The following CPED1 variants were observed in gnomAD, a reference collection of about 807,000 sequenced individuals.
CPED1 encodes cadherin like and PC-esterase domain containing 1, also known as cadherin-like and PC-esterase domain-containing protein 1.
CPED1 carries 114 observed loss-of-function variants against 128.2 expected under a neutral mutation model. That is an observed-to-expected ratio of 0.89 (90% CI 0.76 to 1.04). The LOEUF is 1.04. CPED1 is among the 50% of genes least tolerant of loss of function. The probability of loss-of-function intolerance (pLI) is 0.00; values close to 1 mark genes in which losing one functional copy is unlikely to be tolerated. For missense variants in CPED1, 1,211 were observed against 1,207.1 expected, an observed-to-expected ratio of 1.00 and a Z score of -0.05; for synonymous variants, 462 against 426.7, an observed-to-expected ratio of 1.08 and a Z score of -1.02.
chr7:121,238,151 C>T (rs148483722), intron 17 of CPED1, among the ~76,000 whole-genome samples: 16 of 152,280 alleles, frequency 1.1e-4, no homozygotes, highest in African/African-American at 2.6e-4. Context: ...ACTAAATGTA[C>T]GCTAACTTAT....
intron 16 of CPED1, among the ~76,000 whole-genome samples, chr7:121,214,093 A>C (rs1358251779): frequency 6.6e-6 from 1 of 152,022 alleles, no homozygotes; most frequent in African/African-American, 2.4e-5. Flanking sequence ...CACAGTTTGG[A>C]ATTATATAAT....
intron 18 of CPED1, among the ~76,000 whole-genome samples, chr7:121,264,793 A>G (rs1395247650): frequency 6.6e-6 from 1 of 152,118 alleles, no homozygotes; most frequent in African/African-American, 2.4e-5. Context: ...ATCCAAAGAC[A>G]TTAGAAGGGA....
At position 121,037,558 on chromosome 7, in the gene CPED1, G is replaced by A. The variant is rs1219404188; in HGVS notation, c.434-9329G>A. Reference sequence around the variant, plus strand: ...TGACTATGGCCTTATAGTATAGTTTGAAGTCAGGTAACGTGATGCCTCCAG... The same window carrying A: ...TGACTATGGCCTTATAGTATAGTTTAAAGTCAGGTAACGTGATGCCTCCAG... On this transcript the variant is annotated intron_variant, in intron 3 of 22. Coordinates refer to ENST00000310396, the MANE Select transcript of CPED1 (RefSeq NM_024913.5). Among the ~76,000 whole-genome samples, 3 of 152,144 alleles carry A rather than the reference G, an allele frequency of 2.0e-5. No individual in the cohort carries two copies. The East Asian group carries it at 5.8e-4, about 29-fold the overall frequency.
intron 18 of CPED1, among the ~76,000 whole-genome samples, chr7:121,244,607 G>C (rs1483059552): frequency 6.6e-6 from 1 of 152,216 alleles, no homozygotes; most frequent in Non-Finnish European, 1.5e-5. Context: ...ATTCCATGCT[G>C]TTTTCTCAGC....
chr7:121,145,932 A>G (rs1220455615), intron 16 of CPED1, among the ~76,000 whole-genome samples: 1 of 152,100 alleles, frequency 6.6e-6, no homozygotes. Flanking sequence ...AGGAAAATGA[A>G]CTAAACTTTT....
intron 11 of CPED1, among the ~76,000 whole-genome samples, chr7:121,129,840 G>T (rs1284495632): frequency 6.6e-6 from 1 of 150,862 alleles, no homozygotes; most frequent in Non-Finnish European, 1.5e-5. Context: ...TGTTATTCAT[G>T]TGTCTTCTGG....
At chr7:121,150,519 G>A (rs1232521770) in intron 16 of CPED1, among the ~76,000 whole-genome samples, 2 of 152,026 alleles carry the variant, frequency 1.3e-5, no homozygotes, top group African/African-American at 4.8e-5. Flanking sequence ...GAACATACAA[G>A]TGCATGTGTC....
At chr7:121,287,027 G>A (rs1169625763) in intron 22 of CPED1, among the ~76,000 whole-genome samples, 1 of 152,106 alleles carries the variant, frequency 6.6e-6, no homozygotes, top group Non-Finnish European at 1.5e-5. Context: ...TAAATCCCAT[G>A]AGAACTCACT....
intron 7 of CPED1, 61 bp from the exon 8 acceptor site, chr7:121,124,270 G>A: frequency 6.7e-7 from 1 of 1,484,084 alleles, no homozygotes; most frequent in Non-Finnish European, 9.1e-7. Flanking sequence ...TGGTCACCTT[G>A]AAAATGATAG....
intron 3 of CPED1, among the ~76,000 whole-genome samples, chr7:121,027,007 T>C (rs1469195274): frequency 1.5e-5 from 1 of 68,082 alleles, no homozygotes; most frequent in Non-Finnish European, 2.8e-5. Flanking sequence ...TTTTTCTTAT[T>C]TTTTTTTTTT....
intron 16 of CPED1, among the ~76,000 whole-genome samples, chr7:121,174,903 G>A (rs1229016617): frequency 1.3e-5 from 2 of 152,030 alleles, no homozygotes; most frequent in Non-Finnish European, 2.9e-5. Flanking sequence ...ATCTATTTGA[G>A]CAGTGTTTTG....
intron 11 of CPED1, among the ~76,000 whole-genome samples, chr7:121,129,307 A>G (rs996661650): frequency 6.7e-4 from 4 of 5,958 alleles, no homozygotes; most frequent in African/African-American, 8.1e-4. Context: ...ATATATATAT[A>G]TATACGTATA....
At chr7:121,179,386 T>C (rs1011925912) in intron 16 of CPED1, among the ~76,000 whole-genome samples, 1 of 152,090 alleles carries the variant, frequency 6.6e-6, no homozygotes, top group Non-Finnish European at 1.5e-5. Flanking sequence ...CAACTTAACA[T>C]AGACCTTTAT....
intron 18 of CPED1, among the ~76,000 whole-genome samples, chr7:121,264,273 G>A (rs952365748): frequency 6.6e-6 from 1 of 152,006 alleles, no homozygotes; most frequent in Non-Finnish European, 1.5e-5. Context: ...CAATACTAAT[G>A]GAGTTGCATA....
chr7:121,234,674 C>T (rs951230486), intron 16 of CPED1, among the ~76,000 whole-genome samples: 7 of 46,720 alleles, frequency 1.5e-4, no homozygotes, highest in African/African-American at 5.5e-4. Context: ...AGTCCAGGAA[C>T]ACATTCTCCA....
intron 16 of CPED1, among the ~76,000 whole-genome samples, chr7:121,232,929 G>A (rs1584617618): frequency 6.6e-6 from 1 of 152,068 alleles, no homozygotes; most frequent in African/African-American, 2.4e-5. Context: ...GTCCAATTCA[G>A]TATTGCTTTA....
chr7:121,288,703 T>G (rs1458179151), intron 22 of CPED1, among the ~76,000 whole-genome samples: 1 of 152,218 alleles, frequency 6.6e-6, no homozygotes, highest in Non-Finnish European at 1.5e-5. Context: ...AATATTAAAA[T>G]AATGTTTAAA....
intron 20 of CPED1, 113 bp downstream of exon 20, chr7:121,266,921 A>G: frequency 2.7e-6 from 2 of 737,632 alleles, no homozygotes; most frequent in Non-Finnish European, 2.3e-6. Flanking sequence ...ATTTATCATT[A>G]AGTACTTAAA....
chr7:121,145,934 T>G (rs1002349460), intron 16 of CPED1, among the ~76,000 whole-genome samples: 3 of 152,098 alleles, frequency 2.0e-5, no homozygotes, highest in Non-Finnish European at 4.4e-5. Flanking sequence ...GAAAATGAAC[T>G]AAACTTTTAT....
Sources: allele counts gnomAD v4.1 joint callset (sites outside exome capture counted in the v4.1 genomes callset), GRCh38; gene constraint gnomAD v4.1.1; transcripts MANE v1.5; gene names NCBI Gene and HGNC (gene_info 2026-07-23, HGNC 2026-07-21).